The following LZTR1 variants were observed in gnomAD, a reference collection of about 807,000 sequenced individuals.
LZTR1 encodes the protein leucine-zipper-like transcriptional regulator 1.
A neutral mutation model predicts 105.7 loss-of-function variants in LZTR1; 260 were observed. The observed-to-expected ratio is 2.46, with a 90% CI of 2.22 to 2.72. LZTR1 has a LOEUF of 2.72. Ranked by LOEUF, LZTR1 falls within the 30% of genes most tolerant of loss-of-function variation. LZTR1 has a pLI of 0.00. For missense variants in LZTR1, 1,214 were observed against 1,166.9 expected (o/e 1.04, Z -0.59); for synonymous variants, 490 against 476.4 (o/e 1.03, Z -0.37).
intron 2 of LZTR1, among the ~76,000 whole-genome samples, chr22:20,985,119 G>T (rs962555424): frequency 3.2e-4 from 45 of 141,732 alleles, no homozygotes; most frequent in African/African-American, 1.2e-3. Flanking sequence ...GGTGTTCAGT[G>T]GCGCCATCTT....
In LZTR1 at chr22:20,996,790, A is replaced by T. The variant is rs777847375; in HGVS notation, c.2314A>T (p.Asn772Tyr). The T allele has an allele frequency of 6.2e-7, 1 of 1,613,642 alleles. No individual in the cohort carries two copies. Residue 772 changes from asparagine to tyrosine, a missense_variant, in exon 19 of 21, where the codon AAC becomes TAC. Transcript: ENST00000646124. ...CCTGGAGATGAACGTGACGGTGCAG[A>T]ACGTGCTGCAGGTAGCCCCCCAGCC... ...QNLEMNVTVQ[N>Y]VLQILEAADK...
rs1034372450 is a variant in LZTR1 at position 20,998,975 on chromosome 22, C to T, written c.*1627C>T. On this transcript the variant is annotated 3_prime_UTR_variant, in exon 21 of 21. Coordinates refer to ENST00000646124, the MANE Select transcript of LZTR1 (RefSeq NM_006767.4). ...TCTATGCTGACCCTTGTCACTGAAC[C>T]CTGATCTAGACTTATATGAATAAAT... The T allele has an allele frequency of 1.3e-5, 2 of 152,242 alleles. No homozygotes were observed. The highest frequency in any genetic ancestry group is 1.3e-4 in the Admixed American group (2 of 15,286). The allele number at this position is 152,242 out of a possible 1,614,324, so 9.4% of individuals were successfully genotyped here.
chr22:20,997,283 A>G lies in LZTR1; in HGVS notation c.2458A>G (p.Ile820Val), dbSNP rs1924898949. 1.9e-6 allele frequency: 3 copies of G among 1,613,894 alleles called. No individual in the cohort carries two copies. Among genetic ancestry groups the G allele is most frequent in the Non-Finnish European group, 2.5e-6 (3 of 1,179,998 alleles). Residue 820 changes from isoleucine (I) to valine (V), a missense_variant, in exon 21 of 21, where the codon ATC (isoleucine) becomes GTC (valine). Transcript: ENST00000646124. ...GCTGAGCCAGCAGCTGCTGCTGGAC[A>G]TCATAGACTCCCTGGCCTCCCACAT... ...RSLSQQLLLD[I>V]IDSLASHISD... is the part of the protein sequence containing the mutation.
rs761956867 is a variant in LZTR1 at position 20,992,253 on chromosome 22, G to A, written c.1033G>A (p.Glu345Lys). 4 of 1,613,868 alleles carry A rather than the reference G, an allele frequency of 2.5e-6. No individual in the cohort carries two copies. The Admixed American group carries it at 5.0e-5, about 20-fold the overall frequency. The change falls in exon 10 of 21, where the codon GAG becomes AAG. Residue 345 changes from glutamate to lysine, a missense_variant. Coordinates refer to ENST00000646124, the MANE Select transcript of LZTR1 (RefSeq NM_006767.4). ...AGTGCCCGAGCGAGCCTGTGCTTCC[G>A]AGGAGGTGCCCACCCTGACCTATGA... Reference protein sequence around the residue: ...AEVPERACASEEVPTLTYEER... With the variant: ...AEVPERACASKEVPTLTYEER...
Position 20,988,118 on chromosome 22 carries a change from G to T in LZTR1, c.509G>T (p.Arg170Leu), listed in dbSNP as rs781431741. 3 of 1,595,316 alleles carry T rather than the reference G, an allele frequency of 1.9e-6. No individual in the cohort carries two copies. The highest frequency in any genetic ancestry group is 2.6e-6 in the Non-Finnish European group (3 of 1,163,116). The change falls in exon 5 of 21, where the codon CGG (arginine) becomes CTG (leucine). Residue 170 changes from arginine (R) to leucine (L), a missense_variant and splice_region_variant. Transcript: ENST00000646124. ...TGGACGGAGTGGAAAATTGAAGGACGGTGAGAAACTTTGCAGAAACATTTG... is the reference window on the plus strand; with the variant it reads ...TGGACGGAGTGGAAAATTGAAGGACTGTGAGAAACTTTGCAGAAACATTTG... ...GQWTEWKIEG[R>L]LPVARSAHGA... is the part of the protein sequence containing the mutation.
rs527556878 is a variant in LZTR1 at position 20,997,577 on chromosome 22, T to C, written c.*229T>C. On this transcript the variant is annotated 3_prime_UTR_variant, in exon 21 of 21. Transcript: ENST00000646124. Reference sequence around the variant, plus strand: ...GCGGATGATGAAGCAGACCCCCTCCTGTCATCACCCTCTCCTGGTGTAGTG... The same window carrying C: ...GCGGATGATGAAGCAGACCCCCTCCCGTCATCACCCTCTCCTGGTGTAGTG... 653 of 490,654 alleles carry C rather than the reference T, an allele frequency of 1.3e-3. 1 individual carries two copies. Among genetic ancestry groups the C allele is most frequent in the Non-Finnish European group, 1.9e-3 (503 of 267,882 alleles). The allele number at this position is 490,654 out of a possible 1,614,324, so 30.4% of individuals were successfully genotyped here.
chr22:20,993,023 G>A (rs2147966174), intron 11 of LZTR1, 119 bp downstream of exon 11: 1 of 713,490 alleles, frequency 1.4e-6, no homozygotes, highest in South Asian at 1.9e-5. Context: ...CACCTGGCAG[G>A]ATGGAAGCCT....
rs1342909456 is a variant in LZTR1 at position 20,996,113 on chromosome 22, G to A, written c.2219+1G>A. On this transcript the variant is annotated splice_donor_variant, in intron 18 of 20. Transcript: ENST00000646124. LOFTEE classifies it high-confidence loss of function. ...TCAACATGCCGCCCGAGGACTCGCT[G>A]CATCCTCACTCCCCAGTGAACTCCC... 5 of 1,611,560 alleles carry A rather than the reference G, an allele frequency of 3.1e-6. No homozygotes were observed. Among genetic ancestry groups the A allele is most frequent in the Non-Finnish European group, 4.2e-6 (5 of 1,179,760 alleles).
chr22:20,986,452 GAGATGATAGAT>G (rs1924388424), intron 3 of LZTR1: 1 of 125,298 alleles, frequency 8.0e-6, no homozygotes, highest in African/African-American at 3.2e-5. Flanking sequence ...AAGACAAAGA[GAGATGATAGAT>G]AGATGATAGG....
intron 5 of LZTR1, among the ~76,000 whole-genome samples, chr22:20,988,417 C>T (rs1924479269): frequency 6.6e-6 from 1 of 152,192 alleles, no homozygotes; most frequent in Admixed American, 6.5e-5. Flanking sequence ...CTGCAGTGAA[C>T]CATGTGTGCC....
chr22:20,996,038 C>T lies in LZTR1; in HGVS notation c.2145C>T (p.Pro715=), dbSNP rs769927418. 41 of 1,613,526 alleles carry T rather than the reference C, an allele frequency of 2.5e-5. No homozygotes were observed. Among genetic ancestry groups the T allele is most frequent in the Non-Finnish European group, 3.2e-5 (38 of 1,180,030 alleles). The change falls in exon 18 of 21, where the codon CCC becomes CCT. Residue 715 remains proline (P), a synonymous_variant. Transcript: ENST00000646124. ...ACATCTCCATCGGGGAGATGGTGCC[C>T]AGCAGGCAGGCCTTCGAGTCCATGC... The part of the protein sequence containing the change: ...QVNISIGEMV[P]SRQAFESMLR...
chr22:20,996,865 T>C lies in LZTR1; in HGVS notation c.2326-21T>C, dbSNP rs749196292. ...CTGAGTGGGTGAAAGGGGCAGCGCC[T>C]CAAGGTCCCTGCCATTGCAGATCCT... On this transcript the variant is annotated intron_variant, in intron 19 of 20. Transcript: ENST00000646124. 8 of 1,611,318 alleles carry C rather than the reference T, an allele frequency of 5.0e-6. No individual in the cohort carries two copies. In the Admixed American group the frequency reaches 1.0e-4, roughly 20 times the overall value.
At chr22:20,985,059 ATTTTTTTT>A (rs34655832) in intron 2 of LZTR1, among the ~76,000 whole-genome samples, 2 of 120,330 alleles carry the variant, frequency 1.7e-5, no homozygotes, top group Admixed American at 8.8e-5. Context: ...CTTCGTTTCT[ATTTTTTTT>A]TTTTTTTTTT....
At chr22:20,991,463 G>T (rs1924601252) in intron 8 of LZTR1, 165 bp from the exon 9 acceptor site, 2 of 608,898 alleles carry the variant, frequency 3.3e-6, no homozygotes, top group Non-Finnish European at 5.7e-6. Flanking sequence ...GTGCTGGATG[G>T]GGTGAGAGGT....
rs73879461 is a variant in LZTR1, at chr22:20,985,909, C to T, written c.320+12C>T. ...TGCTCCTGGTGCAGGTGGGTGGCCC[C>T]GTGCTCCAGGGCCCTGCCTTTCCTC... On this transcript the variant is annotated intron_variant, in intron 3 of 20. Coordinates refer to ENST00000646124, the MANE Select transcript of LZTR1 (RefSeq NM_006767.4). 8.9e-4 allele frequency: 1,440 copies of T among 1,613,840 alleles called. 9 individuals are homozygous for T. In the African/African-American group the frequency reaches 0.017, roughly 19 times the overall value.
At chr22:20,995,705 A>G in intron 16 of LZTR1, 41 bp from the exon 17 acceptor site, 1 of 1,610,256 alleles carries the variant, frequency 6.2e-7, no homozygotes, top group Non-Finnish European at 8.5e-7. Context: ...CCAAGGCCAG[A>G]ATCCCAGGCT....
Position 20,988,110 on chromosome 22 carries a change from TG to T in LZTR1, c.502del (p.Glu168LysfsTer32). 1.2e-5 allele frequency: 19 copies of T among 1,603,946 alleles called. No individual in the cohort carries two copies. The highest frequency in any genetic ancestry group is 1.6e-5 in the Non-Finnish European group (19 of 1,170,884). On this transcript the variant is annotated frameshift_variant, in exon 5 of 21. Transcript: ENST00000646124. LOFTEE classifies it high-confidence loss of function. ...ATGQWTEWKIEGRLPVARSAH... is the reference protein window; with the variant it reads ...ATGQWTEWKIXGRLPVARSAH... Reference sequence around the variant, plus strand: ...CTGGCCAGTGGACGGAGTGGAAAATTGAAGGACGGTGAGAAACTTTGCAGAA... The same window carrying T: ...CTGGCCAGTGGACGGAGTGGAAAATTAAGGACGGTGAGAAACTTTGCAGAA...
Position 20,990,400 on chromosome 22 carries a change from C to T in LZTR1, c.666C>T (p.Gly222=), listed in dbSNP as rs35767542. ...LTCWEEVAQS[G]EIPPSCCNFP... The stretch of plus-strand genomic sequence containing the variant: ...TCCCCCTGCAGGTGGCCCAGAGTGG[C>T]GAGATCCCCCCATCTTGCTGCAACT... Residue 222 remains glycine (G), a synonymous_variant, in exon 8 of 21, where the codon GGC becomes GGT. Transcript: ENST00000646124. The T allele has an allele frequency of 2.8e-4, 454 of 1,614,054 alleles. 1 individual carries two copies. The African/African-American group carries it at 4.3e-3, about 15-fold the overall frequency.
chr22:20,990,462 T>G lies in LZTR1; in HGVS notation c.728T>G (p.Phe243Cys), dbSNP rs1555927942. 1 of 1,614,062 alleles carries G rather than the reference T, an allele frequency of 6.2e-7. No individual in the cohort carries two copies. Among genetic ancestry groups the G allele is most frequent in the Non-Finnish European group, 8.5e-7 (1 of 1,180,008 alleles). ...GTGTGCCGGGACAAGATGTTTGTAT[T>G]CTCTGGGCAAAGCGGAGCCAAAATA... ...VAVCRDKMFVFSGQSGAKITN... is the reference protein window; with the variant it reads ...VAVCRDKMFVCSGQSGAKITN... Residue 243 changes from phenylalanine (F) to cysteine (C), a missense_variant, in exon 8 of 21, where the codon TTC becomes TGC. Coordinates refer to ENST00000646124, the MANE Select transcript of LZTR1 (RefSeq NM_006767.4).
Sources: allele counts gnomAD v4.1 joint callset (sites outside exome capture counted in the v4.1 genomes callset), GRCh38; gene constraint gnomAD v4.1.1; transcripts MANE v1.5; gene names NCBI Gene and HGNC (gene_info 2026-07-23, HGNC 2026-07-21).